The following AOAH variants were observed in gnomAD, a reference collection of about 807,000 sequenced individuals.
The protein encoded by AOAH is acyloxyacyl hydrolase, also known as acyloxyacyl hydrolase (neutrophil).
Under a neutral mutation model 92.2 loss-of-function variants are expected in AOAH, and 64 were observed. That is an observed-to-expected ratio of 0.69 (90% confidence interval 0.57 to 0.86). The LOEUF is 0.86. Among genes scored for constraint, AOAH ranks in the 40% least tolerant of loss-of-function variants. AOAH has a pLI of 0.00. For missense variants in AOAH, 656 were observed against 694.6 expected, an observed-to-expected ratio of 0.94 and a Z score of 0.62; for synonymous variants, 263 against 254.5, an observed-to-expected ratio of 1.03 and a Z score of -0.32.
At chr7:36,662,800 C>A (rs545650863) in intron 3 of AOAH, among the ~76,000 whole-genome samples, 1 of 152,252 alleles carries the variant, frequency 6.6e-6, no homozygotes, top group African/African-American at 2.4e-5. Flanking sequence ...TGAGGCTGGC[C>A]ATCTCTGAGC....
intron 13 of AOAH, among the ~76,000 whole-genome samples, chr7:36,556,908 A>C (rs1399530999): frequency 2.0e-5 from 3 of 151,544 alleles, no homozygotes; most frequent in Admixed American, 1.3e-4. Flanking sequence ...TCCTGAATAC[A>C]GCACACTGAT....
At chr7:36,674,451 G>A (rs1342102272) in intron 2 of AOAH, among the ~76,000 whole-genome samples, 5 of 152,304 alleles carry the variant, frequency 3.3e-5, no homozygotes, top group African/African-American at 1.2e-4. Flanking sequence ...GGGGTCCTTA[G>A]TTTTTGCTGT....
At chr7:36,689,337 C>T (rs1009536548) in intron 1 of AOAH, among the ~76,000 whole-genome samples, 10 of 152,162 alleles carry the variant, frequency 6.6e-5, no homozygotes, top group African/African-American at 2.4e-4. Flanking sequence ...TAACAAAATA[C>T]CTGAGACTGT....
At chr7:36,683,559 A>G (rs1796778369) in intron 2 of AOAH, among the ~76,000 whole-genome samples, 1 of 152,154 alleles carries the variant, frequency 6.6e-6, no homozygotes, top group African/African-American at 2.4e-5. Context: ...ATTAGAATTG[A>G]TATTCTGAGA....
intron 4 of AOAH, among the ~76,000 whole-genome samples, chr7:36,653,943 G>T (rs1261711093): frequency 6.6e-6 from 1 of 152,168 alleles, no homozygotes; most frequent in African/African-American, 2.4e-5. Context: ...AGGGGCTCAT[G>T]CAATGTAACA....
intron 13 of AOAH, among the ~76,000 whole-genome samples, chr7:36,573,435 T>G (rs777118922): frequency 6.6e-6 from 1 of 152,144 alleles, no homozygotes; most frequent in African/African-American, 2.4e-5. Context: ...AAATGCGTTA[T>G]AGGGTCAGGC....
intron 19 of AOAH, among the ~76,000 whole-genome samples, chr7:36,522,472 TTTG>T (rs1433562132): frequency 1.3e-5 from 2 of 152,214 alleles, no homozygotes; most frequent in East Asian, 3.8e-4. Flanking sequence ...AATCCAACAT[TTTG>T]TTAACATCCC....
intron 3 of AOAH, chr7:36,661,331 T>TGA (rs1795201688): frequency 6.6e-6 from 1 of 152,202 alleles, no homozygotes; most frequent in Non-Finnish European, 1.5e-5. Context: ...GGGATAGTGC[T>TGA]GTCGTAATTT....
intron 11 of AOAH, chr7:36,599,606 C>G (rs1297490100): frequency 6.6e-6 from 1 of 152,178 alleles, no homozygotes; most frequent in Non-Finnish European, 1.5e-5. Flanking sequence ...ATTGTTTTAT[C>G]CATTCCCCAG....
chr7:36,674,634 G>A (rs1241018178), intron 2 of AOAH, among the ~76,000 whole-genome samples: 1 of 152,206 alleles, frequency 6.6e-6, no homozygotes, highest in Non-Finnish European at 1.5e-5. Context: ...AATGAAACTT[G>A]TTAGCTCTTT....
chr7:36,702,964 A>G (rs1322401468), intron 1 of AOAH, among the ~76,000 whole-genome samples: 1 of 152,200 alleles, frequency 6.6e-6, no homozygotes. Flanking sequence ...AACTAAGTTT[A>G]TGAAACATTC....
chr7:36,668,641 C>T (rs1228345417), intron 3 of AOAH, among the ~76,000 whole-genome samples: 2 of 152,166 alleles, frequency 1.3e-5, no homozygotes, highest in African/African-American at 2.4e-5. Flanking sequence ...GGTGCACCGC[C>T]ACCCCCGGCT....
At chr7:36,618,254 G>C (rs776080919) in intron 10 of AOAH, 43 bp downstream of exon 10, 20 of 1,573,486 alleles carry the variant, frequency 1.3e-5, no homozygotes, top group Non-Finnish European at 1.7e-5. Flanking sequence ...AACTAGAAAA[G>C]AATATCTATC....
intron 12 of AOAH, 93 bp from the exon 13 acceptor site, chr7:36,576,749 A>G (rs921642129): frequency 3.4e-6 from 2 of 594,790 alleles, no homozygotes; most frequent in Admixed American, 3.2e-5. Context: ...TTAAAAAAAT[A>G]TGGTTAAAAT....
chr7:36,683,284 G>T (rs1796756122), intron 2 of AOAH, among the ~76,000 whole-genome samples: 1 of 152,184 alleles, frequency 6.6e-6, no homozygotes, highest in Admixed American at 6.5e-5. Context: ...TTGTAGCTAT[G>T]AGCCCTTCTG....
chr7:36,700,264 G>A (rs1211076957), intron 1 of AOAH, among the ~76,000 whole-genome samples: 3 of 151,932 alleles, frequency 2.0e-5, no homozygotes, highest in East Asian at 1.9e-4. Context: ...TGGGCTTTTC[G>A]TGTAACCATC....
intron 3 of AOAH, chr7:36,661,115 A>G (rs1795192167): frequency 1.3e-5 from 2 of 152,322 alleles, no homozygotes; most frequent in South Asian, 4.1e-4. Context: ...AGCTCACATG[A>G]CCACTTCACT....
intron 2 of AOAH, among the ~76,000 whole-genome samples, chr7:36,678,550 AGT>A (rs529261307): frequency 0.052 from 6,219 of 118,754 alleles, 185 homozygotes; most frequent in Admixed American, 0.085. Flanking sequence ...TAAGATAAGC[AGT>A]GTGTGTGTGT....
At chr7:36,723,687 T>C (rs1297745500) in intron 1 of AOAH, among the ~76,000 whole-genome samples, 2 of 152,142 alleles carry the variant, frequency 1.3e-5, no homozygotes, top group African/African-American at 4.8e-5. Context: ...GATGTGTTTA[T>C]ATGAGGTCAA....
Sources: gnomAD v4.1 joint callset for allele counts (sites outside exome capture counted in the v4.1 genomes callset) on GRCh38, gnomAD v4.1.1 for gene constraint, MANE v1.5 for transcripts, NCBI Gene and HGNC (gene_info 2026-07-23, HGNC 2026-07-21) for gene names.